The following PIP5K1B variants were observed in gnomAD, a reference collection of about 807,000 sequenced individuals.
PIP5K1B encodes phosphatidylinositol-4-phosphate 5-kinase type 1 beta, also known as phosphatidylinositol 4-phosphate 5-kinase type-1 beta.
In PIP5K1B, 42 loss-of-function variants were observed where a neutral mutation model predicts 67.0. That is an observed-to-expected ratio of 0.63 (90% CI 0.49 to 0.81). PIP5K1B has a LOEUF of 0.81. PIP5K1B is among the 30% of genes least tolerant of loss of function. The probability of loss-of-function intolerance (pLI) is 0.00; values close to 1 mark genes in which losing one functional copy is unlikely to be tolerated. For synonymous variants in PIP5K1B, 214 were observed against 231.4 expected (o/e 0.92, Z 0.68); for missense variants, 459 against 646.3 (o/e 0.71, Z 3.14).
At chr9:68,748,703 C>T (rs547849385) in intron 2 of PIP5K1B, among the ~76,000 whole-genome samples, 42 of 148,964 alleles carry the variant, frequency 2.8e-4, no homozygotes, top group Middle Eastern at 3.4e-3. Context: ...CTCACTGCAA[C>T]CTCCGCCTCC....
At position 68,724,262 on chromosome 9, in the gene PIP5K1B, T is replaced by G. The variant is rs118014971; in HGVS notation, c.-242-18239T>G. Among the ~76,000 whole-genome samples the G allele has an allele frequency of 9.4e-3, 1,428 of 151,646 alleles. 15 individuals carry two copies. The highest frequency in any genetic ancestry group is 0.031 in the Middle Eastern group (9 of 294). On this transcript the variant is annotated intron_variant, in intron 1 of 15. Transcript: ENST00000265382. ...GTTTTTTTTTTTTTGTTTTTTGTTTTAGCCAGTACCATGCTGTTTTGATTA... is the reference window on the plus strand; with the variant it reads ...GTTTTTTTTTTTTTGTTTTTTGTTTGAGCCAGTACCATGCTGTTTTGATTA...
In PIP5K1B at chr9:68,835,787, C is replaced by G. The variant is rs79392722; in HGVS notation, c.69+13104C>G. 4.6e-5 allele frequency among the ~76,000 whole-genome samples: 7 copies of G among 151,444 alleles called. No homozygotes were observed. In the East Asian group the frequency reaches 9.7e-4, roughly 21 times the overall value. ...AATTCTGTGGCAAAAGGAAATCTAACCTTCATGGATTAAAGACACCTTTTT... is the reference window on the plus strand; with the variant it reads ...AATTCTGTGGCAAAAGGAAATCTAAGCTTCATGGATTAAAGACACCTTTTT... On this transcript the variant is annotated intron_variant, in intron 4 of 15. Transcript: ENST00000265382.
chr9:68,900,316 C>T (rs1825298538), intron 8 of PIP5K1B, among the ~76,000 whole-genome samples: 1 of 152,176 alleles, frequency 6.6e-6, no homozygotes, highest in African/African-American at 2.4e-5. Flanking sequence ...TTCTTTACAC[C>T]TCTCTGCAGC....
chr9:68,996,436 T>C (rs1427935523), intron 15 of PIP5K1B, among the ~76,000 whole-genome samples: 1 of 152,108 alleles, frequency 6.6e-6, no homozygotes, highest in Admixed American at 6.5e-5. Context: ...GGAAGTGTTT[T>C]CTAAGATGAT....
Position 68,717,805 on chromosome 9 carries a change from A to G in PIP5K1B, c.-243+12043A>G, listed in dbSNP as rs116233175. Among the ~76,000 whole-genome samples the G allele has an allele frequency of 9.4e-3, 1,427 of 152,322 alleles. 29 individuals carry two copies. Among genetic ancestry groups the G allele is most frequent in the African/African-American group, 0.033 (1,352 of 41,552 alleles). ...AACACATCCTGTGTTGAAACCTAGT[A>G]TATACGTAGAGATATAAATAATACA... is the stretch of plus-strand genomic sequence containing the variant. On this transcript the variant is annotated intron_variant, in intron 1 of 15. Coordinates refer to ENST00000265382, the MANE Select transcript of PIP5K1B (RefSeq NM_003558.4).
At chr9:68,792,717 GATC>G in intron 2 of PIP5K1B, among the ~76,000 whole-genome samples, 1 of 152,146 alleles carries the variant, frequency 6.6e-6, no homozygotes, top group South Asian at 2.1e-4. Context: ...CTGACCTCGT[GATC>G]CGCCCGCCTC....
At chr9:68,954,806 G>T (rs546090964) in intron 14 of PIP5K1B, among the ~76,000 whole-genome samples, 1 of 152,252 alleles carries the variant, frequency 6.6e-6, no homozygotes, top group South Asian at 2.1e-4. Context: ...GAACAAACAG[G>T]GTTGCAGTCA....
intron 2 of PIP5K1B, among the ~76,000 whole-genome samples, chr9:68,801,056 C>T (rs1392588735): frequency 6.6e-6 from 1 of 152,228 alleles, no homozygotes; most frequent in Non-Finnish European, 1.5e-5. Context: ...CCTGCTACTA[C>T]CACACAGGTG....
At chr9:69,001,104 A>C (rs1217923041) in intron 15 of PIP5K1B, among the ~76,000 whole-genome samples, 9 of 151,588 alleles carry the variant, frequency 5.9e-5, no homozygotes, top group Non-Finnish European at 1.3e-4. Flanking sequence ...ACAGGGTTTC[A>C]GCATGTGGGC....
chr9:68,829,271 C>G (rs1470934136), intron 4 of PIP5K1B, among the ~76,000 whole-genome samples: 1 of 152,148 alleles, frequency 6.6e-6, no homozygotes, highest in African/African-American at 2.4e-5. Flanking sequence ...TTCTGGAAAG[C>G]CACCACTTCC....
chr9:68,721,617 A>T (rs926588650), intron 1 of PIP5K1B, among the ~76,000 whole-genome samples: 1 of 152,172 alleles, frequency 6.6e-6, no homozygotes, highest in Non-Finnish European at 1.5e-5. Context: ...CTGTAAGATC[A>T]ATCCATGATG....
intron 2 of PIP5K1B, among the ~76,000 whole-genome samples, chr9:68,791,922 T>C (rs7018552): frequency 0.25 from 38,408 of 152,168 alleles, 5,580 homozygotes; most frequent in Admixed American, 0.32. Context: ...TTTCTGTATA[T>C]GCTTACTGGC....
chr9:68,865,484 C>G (rs1164266048), intron 5 of PIP5K1B, among the ~76,000 whole-genome samples: 3 of 152,058 alleles, frequency 2.0e-5, no homozygotes, highest in African/African-American at 7.2e-5. Context: ...CTTTGTTGTT[C>G]TTTGGCTACA....
At chr9:68,881,422 A>G (rs996779625) in intron 6 of PIP5K1B, among the ~76,000 whole-genome samples, 1 of 152,212 alleles carries the variant, frequency 6.6e-6, no homozygotes, top group African/African-American at 2.4e-5. Context: ...CACAAAGTGC[A>G]TCGTGGTGGC....
intron 3 of PIP5K1B, among the ~76,000 whole-genome samples, chr9:68,820,436 G>A (rs1471408577): frequency 7.2e-5 from 11 of 152,248 alleles, no homozygotes; most frequent in Admixed American, 5.9e-4. Flanking sequence ...TTATGTAAGA[G>A]GGTGGTTTGA....
At chr9:68,774,674 A>G (rs1830826749) in intron 2 of PIP5K1B, among the ~76,000 whole-genome samples, 1 of 152,192 alleles carries the variant, frequency 6.6e-6, no homozygotes, top group African/African-American at 2.4e-5. Flanking sequence ...AAGGGTAACC[A>G]CTATAATAGT....
At chr9:68,766,277 G>A (rs1277620946) in intron 2 of PIP5K1B, among the ~76,000 whole-genome samples, 1 of 152,002 alleles carries the variant, frequency 6.6e-6, no homozygotes, top group African/African-American at 2.4e-5. Flanking sequence ...TTTTATATAT[G>A]AAATAAATAC....
chr9:68,843,533 A>T (rs1822029310), intron 4 of PIP5K1B, among the ~76,000 whole-genome samples: 1 of 152,142 alleles, frequency 6.6e-6, no homozygotes, highest in South Asian at 2.1e-4. Context: ...GCTGATGGCA[A>T]GGTGATTCCC....
intron 5 of PIP5K1B, among the ~76,000 whole-genome samples, chr9:68,873,394 C>A (rs1823723916): frequency 6.7e-6 from 1 of 149,480 alleles, no homozygotes; most frequent in Admixed American, 6.7e-5. Flanking sequence ...CTCAAGCGAT[C>A]CTTCTGCCTC....
Sources: allele counts gnomAD v4.1 joint callset (sites outside exome capture counted in the v4.1 genomes callset), GRCh38; gene constraint gnomAD v4.1.1; transcripts MANE v1.5; gene names NCBI Gene and HGNC (gene_info 2026-07-23, HGNC 2026-07-21).